CFAP70: variants seen among roughly 807,000 people sequenced by gnomAD.
CFAP70 encodes the protein cilia- and flagella-associated protein 70.
Under a neutral mutation model 137.6 loss-of-function variants are expected in CFAP70, and 81 were observed. The observed-to-expected ratio is 0.59, with a 90% confidence interval of 0.49 to 0.71. The LOEUF is 0.71. Among genes scored for constraint, CFAP70 ranks in the 30% least tolerant of loss-of-function variants. The pLI, the probability that CFAP70 is intolerant of heterozygous loss-of-function variation, is 0.00. For missense variants in CFAP70, 976 were observed against 1,226.7 expected (o/e 0.80, Z 3.05); for synonymous variants, 382 against 423.6 (o/e 0.90, Z 1.20).
At chr10:73,255,565 G>T (rs1462836457) in intron 26 of CFAP70, among the ~76,000 whole-genome samples, 1 of 152,080 alleles carries the variant, frequency 6.6e-6, no homozygotes, top group Non-Finnish European at 1.5e-5. Flanking sequence ...AAATATATAT[G>T]TATATGTAAC....
chr10:73,354,080 C>T (rs1655593229), intron 2 of CFAP70, among the ~76,000 whole-genome samples: 1 of 152,028 alleles, frequency 6.6e-6, no homozygotes, highest in South Asian at 2.1e-4. Flanking sequence ...AGTGCAGTGG[C>T]GCGATCTCAG....
chr10:73,308,075 A>C (rs1328960669), intron 12 of CFAP70, among the ~76,000 whole-genome samples: 1 of 151,968 alleles, frequency 6.6e-6, no homozygotes, highest in Non-Finnish European at 1.5e-5. Flanking sequence ...GAATTGCTTG[A>C]ACCCGGGAGG....
At chr10:73,317,683 T>A (rs532556630) in intron 9 of CFAP70, among the ~76,000 whole-genome samples, 1 of 152,340 alleles carries the variant, frequency 6.6e-6, no homozygotes, top group South Asian at 2.1e-4. Context: ...TATTGTTGGT[T>A]GCCTTCCACC....
chr10:73,349,648 T>C (rs928571505), intron 3 of CFAP70, among the ~76,000 whole-genome samples: 1 of 152,210 alleles, frequency 6.6e-6, no homozygotes, highest in African/African-American at 2.4e-5. Context: ...TCCTGTAGCA[T>C]GCAGAGTATG....
intron 12 of CFAP70, among the ~76,000 whole-genome samples, chr10:73,308,357 G>A (rs1269615631): frequency 1.3e-5 from 2 of 152,088 alleles, no homozygotes; most frequent in Non-Finnish European, 2.9e-5. Context: ...GGCTGAGCAT[G>A]ATGGCTCATG....
chr10:73,321,084 T>G (rs573697395), intron 9 of CFAP70, among the ~76,000 whole-genome samples: 3 of 152,352 alleles, frequency 2.0e-5, no homozygotes, highest in Non-Finnish European at 2.9e-5. Flanking sequence ...AAAGTTTTCA[T>G]GAATATGAGA....
intron 13 of CFAP70, 120 bp downstream of exon 14, chr10:73,299,485 G>A (rs1182655460): frequency 1.4e-5 from 11 of 773,124 alleles, no homozygotes; most frequent in East Asian, 5.2e-5. Flanking sequence ...ATGAAAATAC[G>A]TAAAGCTTCA....
At position 73,272,987 on chromosome 10, in the gene CFAP70, C is replaced by T. The variant is rs2046430079; in HGVS notation, c.2866G>A (p.Ala956Thr). Residue 956 changes from alanine (A) to threonine (T), a missense_variant, in exon 24 of 27, where the codon GCC becomes ACC. Ala to Thr is a moderately conservative substitution (Grantham distance 58). Transcript: ENST00000310715. ...AGGCATGAAGGTGATCTCTTACAGG[C>T]TTGCATATAGGTTTTCTTTGCCTTT... The T allele has an allele frequency of 3.2e-6, 5 of 1,552,398 alleles. No individual in the cohort carries two copies. In the East Asian group the frequency reaches 1.2e-4, roughly 38 times the overall value.
intron 25 of CFAP70, among the ~76,000 whole-genome samples, chr10:73,268,480 C>A (rs1341067777): frequency 6.6e-6 from 1 of 152,014 alleles, no homozygotes; most frequent in East Asian, 1.9e-4. Context: ...GAACTCAAAC[C>A]TGTTGAATGG....
At chr10:73,267,237 T>C (rs1009251804) in intron 25 of CFAP70, among the ~76,000 whole-genome samples, 2 of 152,222 alleles carry the variant, frequency 1.3e-5, no homozygotes, top group African/African-American at 2.4e-5. Flanking sequence ...CATATGACAA[T>C]TTGGCTAGGA....
chr10:73,265,468 A>G (rs1011344337), intron 25 of CFAP70, among the ~76,000 whole-genome samples: 1 of 152,166 alleles, frequency 6.6e-6, no homozygotes, highest in Non-Finnish European at 1.5e-5. Flanking sequence ...CAGTTCATAG[A>G]GATCTTCCTC....
intron 15 of CFAP70, 77 bp from the exon 17 acceptor site, chr10:73,293,465 T>C (rs2048323044): frequency 3.0e-6 from 4 of 1,316,780 alleles, no homozygotes; most frequent in East Asian, 2.4e-5. Flanking sequence ...ATAAATCCGA[T>C]GTGAGATCCA....
At chr10:73,307,107 G>A (rs984377294) in intron 12 of CFAP70, among the ~76,000 whole-genome samples, 1 of 152,128 alleles carries the variant, frequency 6.6e-6, no homozygotes, top group East Asian at 1.9e-4. Flanking sequence ...TAGGAGCAGA[G>A]TGTATAGTAC....
At chr10:73,354,835 T>G in exon 2 of CFAP70, 1 of 1,581,030 alleles carries the variant, frequency 6.3e-7, no homozygotes, top group Non-Finnish European at 8.7e-7. Flanking sequence ...TTCTTTGGTC[T>G]CTGTAAACAG....
chr10:73,272,338 A>G (rs1163696540), intron 24 of CFAP70, among the ~76,000 whole-genome samples: 1 of 150,860 alleles, frequency 6.6e-6, no homozygotes, highest in Non-Finnish European at 1.5e-5. Context: ...GCGAGACTCC[A>G]TCTCAAATAA....
At position 73,310,202 on chromosome 10, in the gene CFAP70, G is replaced by C. The variant is rs1204073489; in HGVS notation, c.1212C>G (p.Asp404Glu). ...GCATTCGCTTTGGAACCAAGGCTTTGTCCAGCTGAATTTCCAACACAATGT... is the reference window on the plus strand; with the variant it reads ...GCATTCGCTTTGGAACCAAGGCTTTCTCCAGCTGAATTTCCAACACAATGT... The change falls in exon 12 of 27, where the codon GAC becomes GAG. Residue 404 changes from aspartate (D) to glutamate (E), a missense_variant. By Grantham distance (45) the Asp-to-Glu change is conservative (BLOSUM62 2). Transcript: ENST00000310715. The C allele has an allele frequency of 1.2e-6, 2 of 1,613,016 alleles. No homozygotes were observed. The highest frequency in any genetic ancestry group is 3.3e-5 in the Admixed American group (2 of 59,926).
Position 73,321,060 on chromosome 10 carries a change from A to C in CFAP70, c.912+1903T>G, listed in dbSNP as rs78396394. The stretch of plus-strand genomic sequence containing the variant: ...TTTAACCTCATTTTTAGTTTTTGCT[A>C]TTATAGGTTTCAAAAAGTTTTCATG... On this transcript the variant is annotated intron_variant, in intron 9 of 26. Transcript: ENST00000310715. 9.5e-3 allele frequency among the ~76,000 whole-genome samples: 1,447 copies of C among 152,286 alleles called. 9 individuals carry two copies. The highest frequency in any genetic ancestry group is 0.016 in the Non-Finnish European group (1,076 of 67,998).
At chr10:73,351,045 A>ATGTG (rs776068868) in intron 3 of CFAP70, among the ~76,000 whole-genome samples, 30 of 68,544 alleles carry the variant, frequency 4.4e-4, no homozygotes, top group South Asian at 1.1e-3. Context: ...GTGTGTATAT[A>ATGTG]TGTGTGTGTG....
chr10:73,277,088 G>T, intron 21 of CFAP70, 152 bp downstream of exon 22: 1 of 937,196 alleles, frequency 1.1e-6, no homozygotes, highest in Non-Finnish European at 1.5e-6. Flanking sequence ...GTTCATGTTT[G>T]GATGTTCTTT....
Sources: allele counts gnomAD v4.1 joint callset (sites outside exome capture counted in the v4.1 genomes callset), GRCh38; gene constraint gnomAD v4.1.1; transcripts MANE v1.5; gene names NCBI Gene and HGNC (gene_info 2026-07-23, HGNC 2026-07-21).